The following SYT14 variants were observed in gnomAD, a reference collection of about 807,000 sequenced individuals.
SYT14 encodes the protein synaptotagmin 14, also known as synaptotagmin-14.
Under a neutral mutation model 74.2 loss-of-function variants are expected in SYT14, and 32 were observed. That is an observed-to-expected ratio of 0.43 (90% CI 0.33 to 0.58). The LOEUF (loss-of-function observed/expected upper bound fraction) is 0.58. Ranked by LOEUF, SYT14 falls within the 20% of genes least tolerant of loss-of-function variation. SYT14 has a pLI of 0.05. For missense variants in SYT14, 791 were observed against 981.8 expected (o/e 0.81, Z 2.60); for synonymous variants, 298 against 337.7 (o/e 0.88, Z 1.29).
intron 2 of SYT14, among the ~76,000 whole-genome samples, chr1:209,976,168 T>G (rs2079359777): frequency 6.6e-6 from 1 of 152,100 alleles, no homozygotes; most frequent in South Asian, 2.1e-4. Flanking sequence ...CTGGATTCAT[T>G]GATTTTTTCA....
chr1:210,010,072 G>A (rs1228168269), intron 2 of SYT14, among the ~76,000 whole-genome samples: 1 of 152,044 alleles, frequency 6.6e-6, no homozygotes, highest in Non-Finnish European at 1.5e-5. Context: ...CTACTACTTA[G>A]TTTAAGAACT....
chr1:210,020,088 A>G (rs542744207), intron 4 of SYT14, among the ~76,000 whole-genome samples: 6 of 152,326 alleles, frequency 3.9e-5, no homozygotes, highest in Admixed American at 3.9e-4. Flanking sequence ...GTGTGTGTAT[A>G]TGCCACATGT....
chr1:210,039,916 T>C (rs1376124022), intron 5 of SYT14, among the ~76,000 whole-genome samples: 1 of 152,188 alleles, frequency 6.6e-6, no homozygotes, highest in East Asian at 1.9e-4. Context: ...GTAGGAACAC[T>C]TTTACACTGT....
At chr1:210,152,718 C>T (rs1167197088) in intron 7 of SYT14, among the ~76,000 whole-genome samples, 1 of 152,184 alleles carries the variant, frequency 6.6e-6, no homozygotes. Context: ...TTCCCAATCA[C>T]TGTTCTTCTC....
intron 5 of SYT14, among the ~76,000 whole-genome samples, chr1:210,048,721 C>T (rs1047515252): frequency 2.6e-5 from 4 of 152,192 alleles, no homozygotes; most frequent in South Asian, 2.1e-4. Context: ...GCTTTCCCAA[C>T]GGTCCCCCAG....
intron 7 of SYT14, among the ~76,000 whole-genome samples, chr1:210,128,793 G>A (rs920707089): frequency 1.3e-5 from 2 of 152,142 alleles, no homozygotes; most frequent in African/African-American, 2.4e-5. Flanking sequence ...TAAACAAATT[G>A]CCCAAGTGAT....
At chr1:209,982,000 T>C (rs1208232044) in intron 2 of SYT14, among the ~76,000 whole-genome samples, 1 of 152,014 alleles carries the variant, frequency 6.6e-6, no homozygotes, top group East Asian at 1.9e-4. Context: ...ATTTCTTATA[T>C]CTAGATGCCT....
At chr1:209,962,546 G>T (rs1434813002) in intron 2 of SYT14, among the ~76,000 whole-genome samples, 1 of 151,948 alleles carries the variant, frequency 6.6e-6, no homozygotes, top group African/African-American at 2.4e-5. Context: ...TCTTTGATTC[G>T]TTCTCAGCTT....
At chr1:210,146,481 T>C (rs1423477058) in intron 7 of SYT14, among the ~76,000 whole-genome samples, 1 of 152,194 alleles carries the variant, frequency 6.6e-6, no homozygotes, top group African/African-American at 2.4e-5. Context: ...TATTAGGTAC[T>C]ACAGTATAAT....
At chr1:210,135,360 T>A (rs1430719533) in intron 7 of SYT14, among the ~76,000 whole-genome samples, 1 of 152,190 alleles carries the variant, frequency 6.6e-6, no homozygotes, top group Admixed American at 6.5e-5. Flanking sequence ...TCTTGTCCTG[T>A]GCAATGTCTA....
At chr1:209,958,032 C>CT (rs762592202) in intron 2 of SYT14, among the ~76,000 whole-genome samples, 27 of 152,122 alleles carry the variant, frequency 1.8e-4, no homozygotes, top group Non-Finnish European at 3.2e-4. Context: ...AATTCCGTTA[C>CT]TTTAAGAGAT....
chr1:209,984,956 T>G (rs1423811771), intron 2 of SYT14, among the ~76,000 whole-genome samples: 1 of 152,142 alleles, frequency 6.6e-6, no homozygotes, highest in Non-Finnish European at 1.5e-5. Context: ...AATTCTGCCC[T>G]CAGTACCTAA....
intron 2 of SYT14, among the ~76,000 whole-genome samples, chr1:209,987,342 T>C (rs1376404671): frequency 6.6e-6 from 1 of 152,232 alleles, no homozygotes; most frequent in Non-Finnish European, 1.5e-5. Flanking sequence ...TTTAATTGGC[T>C]TAAAGTTTTG....
intron 7 of SYT14, among the ~76,000 whole-genome samples, chr1:210,112,741 G>A (rs2082287121): frequency 6.6e-6 from 1 of 151,350 alleles, no homozygotes; most frequent in Non-Finnish European, 1.5e-5. Flanking sequence ...TTTTATTAAA[G>A]AGGCATTAAT....
In SYT14 at chr1:210,100,451, A is replaced by T. The variant is rs200088839; in HGVS notation, c.2024A>T (p.Tyr675Phe). ...TTGCCTGTGATATTGGAACCTTCTT[A>T]CAATCATTCTGTGAGTATCTCATCA... The change falls in exon 7 of 10, where the codon TAC becomes TTC. Residue 675 changes from tyrosine to phenylalanine, a missense_variant. Tyr to Phe is a conservative substitution (Grantham distance 22, BLOSUM62 3). Transcript: ENST00000637265. The T allele has an allele frequency of 3.7e-6, 6 of 1,612,818 alleles. No individual in the cohort carries two copies. Among genetic ancestry groups the T allele is most frequent in the Non-Finnish European group, 5.1e-6 (6 of 1,179,804 alleles).
At chr1:210,065,885 C>T (rs2081286733) in intron 5 of SYT14, among the ~76,000 whole-genome samples, 1 of 150,624 alleles carries the variant, frequency 6.6e-6, no homozygotes, top group South Asian at 2.1e-4. Context: ...CTTCCCCCCA[C>T]CCCACAACAG....
At chr1:209,940,350 C>G (rs1008159548) in intron 1 of SYT14, among the ~76,000 whole-genome samples, 7 of 151,000 alleles carry the variant, frequency 4.6e-5, no homozygotes, top group Non-Finnish European at 8.8e-5. Flanking sequence ...CTTCATTCAC[C>G]TATTAATTCA....
intron 7 of SYT14, among the ~76,000 whole-genome samples, chr1:210,139,410 C>A (rs1323397641): frequency 6.6e-6 from 1 of 151,198 alleles, no homozygotes; most frequent in Non-Finnish European, 1.5e-5. Flanking sequence ...TTTTTGAAAA[C>A]CACTGGATTA....
At chr1:210,043,920 A>G (rs760461106) in intron 5 of SYT14, among the ~76,000 whole-genome samples, 3 of 152,112 alleles carry the variant, frequency 2.0e-5, no homozygotes, top group Non-Finnish European at 4.4e-5. Flanking sequence ...CAGATTTTTT[A>G]TTAGGATAAT....
Sources: gnomAD v4.1 joint callset for allele counts (sites outside exome capture counted in the v4.1 genomes callset) on GRCh38, gnomAD v4.1.1 for gene constraint, MANE v1.5 for transcripts, NCBI Gene and HGNC (gene_info 2026-07-23, HGNC 2026-07-21) for gene names.